Variants in CGNL1 observed in about 807,000 individuals in gnomAD.
CGNL1 encodes the protein cingulin-like protein 1.
Under a neutral mutation model 141.2 loss-of-function variants are expected in CGNL1, and 132 were observed. That is an observed-to-expected ratio of 0.93 (90% CI 0.81 to 1.08). CGNL1 has a LOEUF of 1.08. Among genes scored for constraint, CGNL1 ranks in the 50% least tolerant of loss-of-function variants. The probability of loss-of-function intolerance (pLI) is 0.00; values close to 1 mark genes in which losing one functional copy is unlikely to be tolerated. For missense variants in CGNL1, 1,870 were observed against 1,588.6 expected, an observed-to-expected ratio of 1.18 and a Z score of -3.01; for synonymous variants, 690 against 622.1, an observed-to-expected ratio of 1.11 and a Z score of -1.63.
At chr15:57,385,368 T>C (rs570016362) in intron 1 of CGNL1, among the ~76,000 whole-genome samples, 1 of 152,312 alleles carries the variant, frequency 6.6e-6, no homozygotes, top group Admixed American at 6.5e-5. Flanking sequence ...ACCCTGTCCC[T>C]GCTAAAAATA....
At chr15:57,414,770 A>C (rs1212154472) in intron 1 of CGNL1, among the ~76,000 whole-genome samples, 2 of 152,202 alleles carry the variant, frequency 1.3e-5, no homozygotes, top group African/African-American at 4.8e-5. Flanking sequence ...GGCCGAGGTT[A>C]GGGTTAGGGG....
At chr15:57,530,742 C>T (rs1407799244) in intron 13 of CGNL1, among the ~76,000 whole-genome samples, 1 of 151,996 alleles carries the variant, frequency 6.6e-6, no homozygotes, top group Admixed American at 6.6e-5. Context: ...ACCTGGGGGC[C>T]GTTCACAGAC....
intron 8 of CGNL1, among the ~76,000 whole-genome samples, chr15:57,469,799 T>C (rs1369627990): frequency 6.6e-6 from 1 of 152,184 alleles, no homozygotes; most frequent in Admixed American, 6.5e-5. Context: ...CAGAAATGAA[T>C]ATATGTTTTG....
chr15:57,546,903 G>A (rs929230729), intron 18 of CGNL1, among the ~76,000 whole-genome samples: 3 of 152,148 alleles, frequency 2.0e-5, no homozygotes, highest in Non-Finnish European at 4.4e-5. Context: ...CCAGCCCATT[G>A]AGAGTCCTGT....
chr15:57,528,623 A>C, intron 12 of CGNL1, 31 bp from the exon 13 acceptor site: 1 of 1,612,094 alleles, frequency 6.2e-7, no homozygotes, highest in Non-Finnish European at 8.5e-7. Context: ...GATGCACCCC[A>C]GAAAACCATC....
chr15:57,405,136 A>G (rs2062701383), intron 1 of CGNL1: 1 of 152,110 alleles, frequency 6.6e-6, no homozygotes, highest in Non-Finnish European at 1.5e-5. Context: ...GCTAATCTCT[A>G]TTGTTTTAAT....
chr15:57,516,301 C>G lies in CGNL1; in HGVS notation c.2404-479C>G, dbSNP rs1055916525. Among the ~76,000 whole-genome samples, 4 of 152,102 alleles carry G rather than the reference C, an allele frequency of 2.6e-5. No individual in the cohort carries two copies. In the East Asian group the frequency reaches 5.8e-4, roughly 22 times the overall value. On this transcript the variant is annotated intron_variant, in intron 8 of 18. Transcript: ENST00000281282. ...CCGAATGCAGTTCCTCCTAAGTGATCTTGGACAAGTTACTTAAACTATCCA... is the reference window on the plus strand; with the variant it reads ...CCGAATGCAGTTCCTCCTAAGTGATGTTGGACAAGTTACTTAAACTATCCA...
At chr15:57,443,131 T>C (rs966853940) in intron 4 of CGNL1, among the ~76,000 whole-genome samples, 1 of 152,192 alleles carries the variant, frequency 6.6e-6, no homozygotes, top group Non-Finnish European at 1.5e-5. Flanking sequence ...GACTAGAGAC[T>C]GGTGACACTG....
At chr15:57,547,325 C>T in intron 18 of CGNL1, 30 bp from the exon 19 acceptor site, 1 of 1,612,146 alleles carries the variant, frequency 6.2e-7, no homozygotes, top group South Asian at 1.1e-5. Context: ...GGCCCAGGGC[C>T]AGGAAACATG....
At chr15:57,500,502 C>T (rs567102986) in intron 8 of CGNL1, among the ~76,000 whole-genome samples, 5 of 152,156 alleles carry the variant, frequency 3.3e-5, no homozygotes, top group Admixed American at 6.5e-5. Context: ...GAGGCTAGAA[C>T]GAACGTCAGG....
intron 8 of CGNL1, among the ~76,000 whole-genome samples, chr15:57,481,701 GA>G (rs2063728205): frequency 6.6e-6 from 1 of 151,616 alleles, no homozygotes; most frequent in African/African-American, 2.4e-5. Flanking sequence ...ATAGGAGTGT[GA>G]ATATGTTTTA....
In CGNL1 at chr15:57,438,202, C is replaced by G. The variant is rs764148295; in HGVS notation, c.203C>G (p.Ser68Trp). The change falls in exon 2 of 19, where the codon TCG becomes TGG. Residue 68 changes from serine (S) to tryptophan (W), a missense_variant. Physicochemically the swap from Ser to Trp is radical, Grantham distance 177. Transcript: ENST00000281282. ...ACAGAACGGTGCCTAGCAGGCACAT[C>G]GTTTTCTGAAAATGGGCCACCCTTT... The part of the protein sequence containing the change: ...NNTERCLAGT[S>W]FSENGPPFPP... 2.5e-6 allele frequency: 4 copies of G among 1,614,072 alleles called. No individual in the cohort carries two copies. The South Asian group carries it at 4.4e-5, about 18-fold the overall frequency.
chr15:57,413,380 C>T (rs2062814362), intron 1 of CGNL1, among the ~76,000 whole-genome samples: 1 of 151,798 alleles, frequency 6.6e-6, no homozygotes, highest in African/African-American at 2.4e-5. Flanking sequence ...GGGCTCAAGC[C>T]ATCCTCCGAG....
chr15:57,461,708 A>T lies in CGNL1; in HGVS notation c.2219A>T (p.Gln740Leu). The T allele has an allele frequency of 1.2e-6, 2 of 1,614,096 alleles. No homozygotes were observed. Among genetic ancestry groups the T allele is most frequent in the Non-Finnish European group, 1.7e-6 (2 of 1,179,976 alleles). Residue 740 changes from glutamine (Q) to leucine (L), a missense_variant, in exon 8 of 19, where the codon CAA (glutamine) becomes CTA (leucine). Transcript: ENST00000281282. Reference sequence around the variant, plus strand: ...CTCTTACAGGCAAAACAGGATCTTCAAGATCTGCTGATTGCCAAAGAGGAG... The same window carrying T: ...CTCTTACAGGCAAAACAGGATCTTCTAGATCTGCTGATTGCCAAAGAGGAG... ...EELLQAKQDL[Q>L]DLLIAKEEQE... is the part of the protein sequence containing the mutation.
At chr15:57,414,679 C>CAACAACAAA (rs1226443192) in intron 1 of CGNL1, among the ~76,000 whole-genome samples, 8 of 151,898 alleles carry the variant, frequency 5.3e-5, no homozygotes, top group African/African-American at 1.7e-4. Flanking sequence ...ACAACAACAA[C>CAACAACAAA]AAACCAACAA....
At chr15:57,519,318 C>A (rs1484708852) in intron 10 of CGNL1, among the ~76,000 whole-genome samples, 1 of 152,148 alleles carries the variant, frequency 6.6e-6, no homozygotes, top group Non-Finnish European at 1.5e-5. Context: ...ATTCCGGACC[C>A]ACTTGTAGTC....
Position 57,439,566 on chromosome 15 carries a change from T to G in CGNL1, c.1567T>G (p.Ser523Ala). Residue 523 changes from serine to alanine, a missense_variant, in exon 2 of 19, where the codon TCC becomes GCC. By Grantham distance (99) the Ser-to-Ala change is moderately conservative. Transcript: ENST00000281282. The stretch of plus-strand genomic sequence containing the variant: ...GCCTGATTCTGGTGCCAAGAAAATT[T>G]CCGTGAAGACATTTCCTTCGGCCTC... ...TSPDSGAKKI[S>A]VKTFPSASNT... 6.2e-7 allele frequency: 1 copy of G among 1,613,902 alleles called. No individual in the cohort carries two copies. Among genetic ancestry groups the G allele is most frequent in the Non-Finnish European group, 8.5e-7 (1 of 1,180,012 alleles).
chr15:57,409,631 G>C (rs557632888), intron 1 of CGNL1, among the ~76,000 whole-genome samples: 2 of 152,160 alleles, frequency 1.3e-5, no homozygotes, highest in East Asian at 1.9e-4. Flanking sequence ...TGTGTGAAAG[G>C]GGGAGGGAGA....
At chr15:57,494,191 A>G (rs932602017) in intron 8 of CGNL1, among the ~76,000 whole-genome samples, 3 of 152,262 alleles carry the variant, frequency 2.0e-5, no homozygotes, top group Non-Finnish European at 4.4e-5. Context: ...TTACATTTAT[A>G]GGTTCAACTA....
Sources: allele counts gnomAD v4.1 joint callset (sites outside exome capture counted in the v4.1 genomes callset), GRCh38; gene constraint gnomAD v4.1.1; transcripts MANE v1.5; gene names NCBI Gene and HGNC (gene_info 2026-07-23, HGNC 2026-07-21).